Variants in PCNX1 observed in about 807,000 individuals in gnomAD.
The protein encoded by PCNX1 is pecanex-like protein 1.
A neutral mutation model predicts 242.2 loss-of-function variants in PCNX1; 78 were observed. The observed-to-expected ratio is 0.32, with a 90% CI of 0.27 to 0.39. PCNX1 has a LOEUF of 0.39. PCNX1 is among the 10% of genes least tolerant of loss of function. PCNX1 has a pLI of 1.00. For missense variants in PCNX1, 2,581 were observed against 2,856.5 expected, an observed-to-expected ratio of 0.90 and a Z score of 2.20; for synonymous variants, 1,024 against 1,032.9, an observed-to-expected ratio of 0.99 and a Z score of 0.17.
intron 19 of PCNX1, among the ~76,000 whole-genome samples, chr14:71,043,705 T>C (rs571597700): frequency 2.6e-5 from 4 of 152,150 alleles, no homozygotes; most frequent in Non-Finnish European, 5.9e-5. Flanking sequence ...CTTTGTTGAG[T>C]TTCTCATTTA....
chr14:71,098,553 T>TGTGTGTGTGAGA lies in PCNX1; in HGVS notation c.5590-3436_5590-3435insTGTGTGTGAGAG, dbSNP rs60367565. Among the ~76,000 whole-genome samples the TGTGTGTGTGAGA allele has an allele frequency of 1.3e-3, 160 of 125,726 alleles. 1 individual carries two copies. The highest frequency in any genetic ancestry group is 2.5e-3 in the Admixed American group (31 of 12,300). The allele number at this position is 125,726 out of a possible 152,430, so 82.5% of individuals were successfully genotyped here. ...GTGTGTGTGTGTGTGTGTGTGTGTG[T>TGTGTGTGTGAGA]GAGAGAGAGAGAGAGAACATTGTAG... is the stretch of plus-strand genomic sequence containing the variant. On this transcript the variant is annotated intron_variant, in intron 30 of 35. Transcript: ENST00000304743.
intron 1 of PCNX1, among the ~76,000 whole-genome samples, chr14:70,911,188 T>G (rs1284945685): frequency 2.0e-5 from 3 of 152,200 alleles, no homozygotes; most frequent in African/African-American, 2.4e-5. Context: ...CGTGACCTCA[T>G]GAGGTTTTGC....
In PCNX1 at chr14:71,060,051, G is replaced by T. The variant is rs370222506; in HGVS notation, c.4852+2327G>T. Among the ~76,000 whole-genome samples the T allele has an allele frequency of 5.1e-4, 77 of 152,132 alleles. 1 individual carries two copies. In the South Asian group the frequency reaches 0.015, roughly 30 times the overall value. The stretch of plus-strand genomic sequence containing the variant: ...AGCCTTCTCTAGCCACCTATCCCAC[G>T]TGATTATCTCACTTTACCATGTTTT... On this transcript the variant is annotated intron_variant, in intron 26 of 35. Coordinates refer to ENST00000304743, the MANE Select transcript of PCNX1 (RefSeq NM_014982.3).
Position 70,914,217 on chromosome 14 carries a change from T to C in PCNX1, c.153+6214T>C, listed in dbSNP as rs2056053181. Among the ~76,000 whole-genome samples the C allele has an allele frequency of 1.3e-5, 2 of 152,180 alleles. 1 individual carries two copies. The highest frequency in any genetic ancestry group is 4.1e-4 in the South Asian group (2 of 4,834). ...GGGTAGGGGGCGAGGGTTGAAAAGC[T>C]ATACATTGGCTACTGTGTTCACTAC... On this transcript the variant is annotated intron_variant, in intron 1 of 35. Coordinates refer to ENST00000304743, the MANE Select transcript of PCNX1 (RefSeq NM_014982.3).
chr14:70,993,713 T>C (rs1481062381), intron 7 of PCNX1, among the ~76,000 whole-genome samples: 2 of 152,204 alleles, frequency 1.3e-5, no homozygotes, highest in African/African-American at 4.8e-5. Flanking sequence ...GAAAAATTTG[T>C]TGAGTACGTA....
chr14:71,040,835 T>C (rs942953704), intron 19 of PCNX1, among the ~76,000 whole-genome samples: 1 of 152,042 alleles, frequency 6.6e-6, no homozygotes, highest in Non-Finnish European at 1.5e-5. Flanking sequence ...CCACCCCTAC[T>C]ACCCTTCCCG....
chr14:71,063,941 A>G (rs2061385265), intron 26 of PCNX1, among the ~76,000 whole-genome samples: 1 of 152,082 alleles, frequency 6.6e-6, no homozygotes, highest in African/African-American at 2.4e-5. Flanking sequence ...TTCTGATTAC[A>G]CTTTCTTTCA....
rs1487769395 is a variant in PCNX1, at chr14:71,023,241, CTCTT to C, written c.3183+10_3183+13del. 2 of 1,575,010 alleles carry C rather than the reference CTCTT, an allele frequency of 1.3e-6. No individual in the cohort carries two copies. Among genetic ancestry groups the C allele is most frequent in the Non-Finnish European group, 1.7e-6 (2 of 1,144,878 alleles). ...CTTCTTCTCCCAGACATGTAAGTCA[CTCTT>C]AATATGGCTGTACATTATAGGTCCT... is the stretch of plus-strand genomic sequence containing the variant. On this transcript the variant is annotated intron_variant, in intron 13 of 35. Transcript: ENST00000304743.
chr14:71,024,256 T>C (rs2060180220), intron 13 of PCNX1, among the ~76,000 whole-genome samples: 1 of 152,194 alleles, frequency 6.6e-6, no homozygotes, highest in Non-Finnish European at 1.5e-5. Context: ...AAGATAATTA[T>C]CAAAATTAGA....
intron 1 of PCNX1, among the ~76,000 whole-genome samples, chr14:70,942,246 G>T (rs142665984): frequency 3.4e-4 from 52 of 152,170 alleles, no homozygotes; most frequent in Non-Finnish European, 6.3e-4. Context: ...TTCCTATTCG[G>T]CCATCTTACA....
Position 70,907,901 on chromosome 14 carries a change from C to T in PCNX1, c.51C>T (p.Leu17=), listed in dbSNP as rs371986953. 244 of 1,575,906 alleles carry T rather than the reference C, an allele frequency of 1.5e-4. 2 individuals carry two copies. Among genetic ancestry groups the T allele is most frequent in the Middle Eastern group, 1.4e-3 (7 of 5,126 alleles). Residue 17 remains leucine (L), a synonymous_variant, in exon 1 of 36, where the codon CTC becomes CTT. Transcript: ENST00000304743. ...QILRQGVWAA[L]SGGWYYDPHQ... ...TCCGACAGGGGGTGTGGGCCGCGCTCAGCGGGGGCTGGTACTACGACCCGC... is the reference window on the plus strand; with the variant it reads ...TCCGACAGGGGGTGTGGGCCGCGCTTAGCGGGGGCTGGTACTACGACCCGC...
intron 12 of PCNX1, 91 bp from the exon 13 acceptor site, chr14:71,023,104 ATTTAC>A: frequency 3.3e-6 from 3 of 898,762 alleles, no homozygotes; most frequent in Non-Finnish European, 5.6e-6. Flanking sequence ...GTTGTGGAAT[ATTTAC>A]TTAAAATCAT....
At chr14:71,070,055 C>T (rs2061551466) in intron 26 of PCNX1, among the ~76,000 whole-genome samples, 1 of 152,108 alleles carries the variant, frequency 6.6e-6, no homozygotes, top group South Asian at 2.1e-4. Flanking sequence ...TCATTTTAAC[C>T]AAGGCTCACA....
At chr14:71,080,716 T>A (rs777000790) in intron 28 of PCNX1, among the ~76,000 whole-genome samples, 1 of 152,240 alleles carries the variant, frequency 6.6e-6, no homozygotes, top group Admixed American at 6.5e-5. Flanking sequence ...GCACATTGAT[T>A]TTGTATCTTG....
At chr14:70,908,309 C>G (rs1394491858) in intron 1 of PCNX1, among the ~76,000 whole-genome samples, 1 of 152,164 alleles carries the variant, frequency 6.6e-6, no homozygotes, top group African/African-American at 2.4e-5. Flanking sequence ...CTAGGCCGTC[C>G]CCGCCGGGGC....
chr14:71,077,071 C>T (rs1185427966), intron 28 of PCNX1, among the ~76,000 whole-genome samples: 2 of 152,170 alleles, frequency 1.3e-5, no homozygotes, highest in African/African-American at 4.8e-5. Context: ...GCCCCACCTG[C>T]AAGACTCTGA....
Position 71,026,210 on chromosome 14 carries a change from A to T in PCNX1, c.3277A>T (p.Thr1093Ser). The T allele has an allele frequency of 3.1e-6, 5 of 1,610,792 alleles. No homozygotes were observed. The highest frequency in any genetic ancestry group is 4.2e-6 in the Non-Finnish European group (5 of 1,177,598). The change falls in exon 14 of 36, where the codon ACT (threonine) becomes TCT (serine). Residue 1093 changes from threonine to serine, a missense_variant. Thr to Ser is a moderately conservative substitution (Grantham distance 58). This residue lies in a region of PCNX1 where 432 missense variants were observed against 443.1 expected (regional missense o/e 0.97). Coordinates refer to ENST00000304743, the MANE Select transcript of PCNX1 (RefSeq NM_014982.3). ...CTTGGATTATGGTAGCAGAAACCTG[A>T]CTGCAACCAAGTTCAAATTATATGG... ...WLLDYGSRNLTATKFKLYGIT... is the reference protein window; with the variant it reads ...WLLDYGSRNLSATKFKLYGIT...
chr14:70,976,683 C>A (rs1475028110), intron 5 of PCNX1, among the ~76,000 whole-genome samples: 1 of 152,008 alleles, frequency 6.6e-6, no homozygotes, highest in African/African-American at 2.4e-5. Context: ...CCTTTGTTTC[C>A]TCTTAATTTT....
intron 7 of PCNX1, among the ~76,000 whole-genome samples, chr14:70,990,401 T>TA (rs71105756): frequency 0.17 from 24,252 of 144,672 alleles, 2,567 homozygotes; most frequent in African/African-American, 0.3. Context: ...CTACTAAAAA[T>TA]AAAAAAAAAA....
Sources: allele counts gnomAD v4.1 joint callset (sites outside exome capture counted in the v4.1 genomes callset), GRCh38; gene constraint gnomAD v4.1.1; regional missense constraint gnomAD v4.1.1; transcripts MANE v1.5; gene names NCBI Gene and HGNC (gene_info 2026-07-23, HGNC 2026-07-21).